GOLGA1: variants seen among roughly 807,000 people sequenced by gnomAD.
GOLGA1 encodes golgin A1.
A neutral mutation model predicts 119.7 loss-of-function variants in GOLGA1; 63 were observed. The ratio of observed to expected loss-of-function variants is 0.53; its 90% CI spans 0.43 to 0.65. GOLGA1 has a LOEUF of 0.65. GOLGA1 is among the 30% of genes least tolerant of loss of function. The pLI, the probability that GOLGA1 is intolerant of heterozygous loss-of-function variation, is 0.00. For synonymous variants in GOLGA1, 318 were observed against 333.4 expected, an observed-to-expected ratio of 0.95 and a Z score of 0.50; for missense variants, 798 against 912.8, an observed-to-expected ratio of 0.87 and a Z score of 1.62.
intron 13 of GOLGA1, 32 bp downstream of exon 13, chr9:124,900,420 C>T (rs1830078695): frequency 3.8e-6 from 4 of 1,064,286 alleles, no homozygotes; most frequent in Non-Finnish European, 5.9e-6. Flanking sequence ...GCATTAAGGG[C>T]CTGGAATGCA....
intron 7 of GOLGA1, among the ~76,000 whole-genome samples, chr9:124,924,518 G>C (rs547928291): frequency 9.2e-5 from 14 of 151,688 alleles, no homozygotes; most frequent in African/African-American, 3.4e-4. Flanking sequence ...TGTAATCCCA[G>C]CTACTCAGGA....
intron 12 of GOLGA1, among the ~76,000 whole-genome samples, chr9:124,904,234 A>C (rs1446698788): frequency 6.6e-6 from 1 of 152,346 alleles, no homozygotes; most frequent in Admixed American, 6.5e-5. Context: ...AGAGTGTCCA[A>C]ACTCAAAGAG....
intron 2 of GOLGA1, 69 bp from the exon 3 acceptor site, chr9:124,938,935 G>C (rs926463946): frequency 1.1e-5 from 5 of 438,834 alleles, no homozygotes; most frequent in Non-Finnish European, 2.0e-5. Context: ...GAGTTGTTAA[G>C]TTTTAGATTT....
intron 7 of GOLGA1, 60 bp downstream of exon 7, chr9:124,926,649 G>A (rs1369395549): frequency 9.3e-6 from 10 of 1,079,900 alleles, no homozygotes; most frequent in Admixed American, 5.1e-5. Flanking sequence ...CGGATAAAAC[G>A]TTTTCCATAC....
chr9:124,886,717 G>A (rs1313895402), intron 19 of GOLGA1, among the ~76,000 whole-genome samples: 1 of 152,134 alleles, frequency 6.6e-6, no homozygotes, highest in African/African-American at 2.4e-5. Context: ...GGAGGCGGCT[G>A]GCGTAGTGCT....
rs368996431 is a variant in GOLGA1, at chr9:124,931,369, G to A, written c.173C>T (p.Ser58Phe). The change falls in exon 4 of 23, where the codon TCC (serine) becomes TTC (phenylalanine). Residue 58 changes from serine (S) to phenylalanine (F), a missense_variant. Physicochemically the swap from Ser to Phe is radical, Grantham distance 155. Transcript: ENST00000373555. ...DGSSSREDLS[S>F]QLLRRNEQIR... ...CTGTTCATTCCTTCTCAGAAGCTGG[G>A]ATGAAAGATCTTCTCTGGAGCTGCT... 3 of 1,598,806 alleles carry A rather than the reference G, an allele frequency of 1.9e-6. No homozygotes were observed. The African/African-American group carries it at 4.0e-5, about 21-fold the overall frequency.
In GOLGA1 at chr9:124,928,303, C is replaced by T. The variant is rs1243963879; in HGVS notation, c.302-18G>A. On this transcript the variant is annotated intron_variant, in intron 5 of 22. Transcript: ENST00000373555. ...CATGGAAGCTGTTAACAAAGAGGCT[C>T]TATTTGAGATATGAAAACACTTCAG... 1.5e-6 allele frequency: 2 copies of T among 1,361,300 alleles called. No homozygotes were observed. Among genetic ancestry groups the T allele is most frequent in the Non-Finnish European group, 2.1e-6 (2 of 953,866 alleles). 84.3% of individuals were successfully genotyped at this position (1,361,300 alleles called of 1,614,324 possible). A position where few individuals can be genotyped will look rare whatever the true frequency, so the allele number is the denominator to read the frequency against.
At chr9:124,917,670 T>C (rs1830476759) in intron 10 of GOLGA1, among the ~76,000 whole-genome samples, 2 of 152,202 alleles carry the variant, frequency 1.3e-5, no homozygotes, top group African/African-American at 2.4e-5. Context: ...TTATTCTGTA[T>C]GTCACTGGCT....
In GOLGA1 at chr9:124,921,143, T is replaced by C. The variant is rs1830561640; in HGVS notation, c.829A>G (p.Ile277Val). Residue 277 changes from isoleucine (I) to valine (V), a missense_variant, in exon 10 of 23, where the codon ATT becomes GTT. Transcript: ENST00000373555. The stretch of plus-strand genomic sequence containing the variant: ...ATTCTACTTACCTTTTGCAAATCAA[T>C]GGAAAGCTGCTGAATGAGTGCTTGG... ...ELQALIQQLS[I>V]DLQKVTAETQ... The C allele has an allele frequency of 6.3e-7, 1 of 1,598,402 alleles. No homozygotes were observed. The highest frequency in any genetic ancestry group is 8.6e-7 in the Non-Finnish European group (1 of 1,165,658).
intron 8 of GOLGA1, among the ~76,000 whole-genome samples, 162 bp from the exon 9 acceptor site, chr9:124,922,054 C>T (rs1274941112): frequency 6.6e-6 from 1 of 150,690 alleles, no homozygotes; most frequent in Non-Finnish European, 1.5e-5. Context: ...ATGGCAAAAC[C>T]CTATCTCTAC....
At chr9:124,910,290 C>A (rs1394107102) in intron 11 of GOLGA1, among the ~76,000 whole-genome samples, 1 of 151,998 alleles carries the variant, frequency 6.6e-6, no homozygotes, top group Non-Finnish European at 1.5e-5. Context: ...GTCTTGAACT[C>A]CTGACCTCAG....
upstream of GOLGA1, chr9:124,945,966 GCTGGGTTTTC>G (rs1831139091): frequency 1.3e-5 from 2 of 152,172 alleles, no homozygotes; most frequent in Non-Finnish European, 2.9e-5. Flanking sequence ...GGGGGAAAGG[GCTGGGTTTTC>G]TAAGCAAGTG....
chr9:124,880,008 A>C lies in GOLGA1; in HGVS notation c.*522T>G, dbSNP rs1191830778. The C allele has an allele frequency of 6.5e-6, 1 of 152,712 alleles. No individual in the cohort carries two copies. The highest frequency in any genetic ancestry group is 1.5e-5 in the Non-Finnish European group (1 of 68,278). The allele number at this position is 152,712 out of a possible 1,614,324, so 9.5% of individuals were successfully genotyped here. Reference sequence around the variant, plus strand: ...GTGGTTTGAGAGACAGGGTGAAAGAATATTTTCTTGAGAGGAAGGGATAAA... The same window carrying C: ...GTGGTTTGAGAGACAGGGTGAAAGACTATTTTCTTGAGAGGAAGGGATAAA... On this transcript the variant is annotated 3_prime_UTR_variant, in exon 23 of 23. Coordinates refer to ENST00000373555, the MANE Select transcript of GOLGA1 (RefSeq NM_002077.4).
chr9:124,944,466 ATTTT>A (rs71374207), upstream of GOLGA1: 7 of 84,728 alleles, frequency 8.3e-5, no homozygotes, highest in African/African-American at 2.4e-4. Flanking sequence ...TGCCTGGCTA[ATTTT>A]TTTTTTTTTT....
At chr9:124,927,917 T>C (rs1830703811) in intron 6 of GOLGA1, among the ~76,000 whole-genome samples, 1 of 152,188 alleles carries the variant, frequency 6.6e-6, no homozygotes, top group Admixed American at 6.5e-5. Flanking sequence ...GGGCCTGCCA[T>C]CAGATTACAG....
intron 10 of GOLGA1, among the ~76,000 whole-genome samples, chr9:124,920,124 CTTATTT>C (rs1481566368): frequency 6.6e-6 from 1 of 151,646 alleles, no homozygotes; most frequent in Non-Finnish European, 1.5e-5. Context: ...CACACCCAGC[CTTATTT>C]TTATTTTTAA....
intron 12 of GOLGA1, among the ~76,000 whole-genome samples, chr9:124,907,620 C>T (rs1267734285): frequency 1.3e-5 from 2 of 152,072 alleles, no homozygotes; most frequent in African/African-American, 4.8e-5. Context: ...AAGACTGAAA[C>T]CCCCAAAGAA....
chr9:124,926,054 A>T (rs1366551546), intron 7 of GOLGA1, among the ~76,000 whole-genome samples: 1 of 152,126 alleles, frequency 6.6e-6, no homozygotes, highest in Non-Finnish European at 1.5e-5. Context: ...TCCTAATATT[A>T]CCACGTGTCA....
chr9:124,915,861 T>C (rs1377707893), intron 10 of GOLGA1, among the ~76,000 whole-genome samples: 1 of 151,902 alleles, frequency 6.6e-6, no homozygotes, highest in East Asian at 1.9e-4. Context: ...CCTAGCACTT[T>C]GGGAGTCCGA....
Sources: gnomAD v4.1 joint callset for allele counts (sites outside exome capture counted in the v4.1 genomes callset) on GRCh38, gnomAD v4.1.1 for gene constraint, MANE v1.5 for transcripts, NCBI Gene and HGNC (gene_info 2026-07-23, HGNC 2026-07-21) for gene names.